The following FAM171A1 variants were observed in gnomAD, a reference collection of about 807,000 sequenced individuals.
The protein encoded by FAM171A1 is protein FAM171A1.
Under a neutral mutation model 74.9 loss-of-function variants are expected in FAM171A1, and 23 were observed. The observed-to-expected ratio is 0.31, with a 90% CI of 0.22 to 0.44. The LOEUF is 0.44. FAM171A1 is among the 20% of genes least tolerant of loss of function. FAM171A1 has a pLI of 1.00. For synonymous variants in FAM171A1, 527 were observed against 505.7 expected (o/e 1.04, Z -0.57); for missense variants, 1,162 against 1,159.2 (o/e 1.00, Z -0.03).
intron 1 of FAM171A1, among the ~76,000 whole-genome samples, chr10:15,308,145 T>C (rs1203181366): frequency 6.6e-6 from 1 of 152,182 alleles, no homozygotes; most frequent in East Asian, 1.9e-4. Context: ...AACAATGTTG[T>C]CACTCTCATG....
chr10:15,333,270 G>T (rs986273113), intron 1 of FAM171A1, among the ~76,000 whole-genome samples: 1 of 152,206 alleles, frequency 6.6e-6, no homozygotes, highest in African/African-American at 2.4e-5. Flanking sequence ...GAGGCGGGTG[G>T]ATCACCTGAG....
At position 15,284,078 on chromosome 10, in the gene FAM171A1, T is replaced by C; in HGVS notation, c.125A>G (p.Asp42Gly). The C allele has an allele frequency of 6.2e-7, 1 of 1,613,768 alleles. No homozygotes were observed. The highest frequency in any genetic ancestry group is 8.5e-7 in the Non-Finnish European group (1 of 1,180,002). ...QEVTLKVHISDASTHQPVADA... is the reference protein window; with the variant it reads ...QEVTLKVHISGASTHQPVADA... ...TGCTACGGGCTGGTGGGTGCTGGCG[T>C]CGCTGATGTGCACCTTTAACGTCAC... is the stretch of plus-strand genomic sequence containing the variant. The change falls in exon 2 of 8, where the codon GAC (aspartate) becomes GGC (glycine). Residue 42 changes from aspartate to glycine, a missense_variant. Transcript: ENST00000378116.
chr10:15,270,563 C>T (rs879071471), intron 3 of FAM171A1, among the ~76,000 whole-genome samples: 9 of 152,178 alleles, frequency 5.9e-5, no homozygotes, highest in Admixed American at 1.3e-4. Flanking sequence ...GATCTGAGAA[C>T]GGACAGACTG....
chr10:15,254,934 A>G (rs1834560356), intron 3 of FAM171A1, 55 bp from the exon 4 acceptor site: 1 of 1,569,138 alleles, frequency 6.4e-7, no homozygotes, highest in Non-Finnish European at 8.7e-7. Context: ...TGTTTTTAGA[A>G]AATGCAAAAC....
intron 1 of FAM171A1, among the ~76,000 whole-genome samples, chr10:15,293,227 G>C (rs1835123067): frequency 6.6e-6 from 1 of 152,086 alleles, no homozygotes. Flanking sequence ...GCATTTCTGG[G>C]TATCTTCTGA....
intron 5 of FAM171A1, among the ~76,000 whole-genome samples, chr10:15,234,730 G>A (rs1834259582): frequency 6.6e-6 from 1 of 151,550 alleles, no homozygotes; most frequent in Non-Finnish European, 1.5e-5. Flanking sequence ...TTGGCTCACT[G>A]CAAGCTCTGC....
In FAM171A1 at chr10:15,343,750, G is replaced by T. The variant is rs188778210; in HGVS notation, c.97+27206C>A. Reference sequence around the variant, plus strand: ...GGGACAGCCTTGGGCATCCGTCCAGGAGGGGGGCTGGGAACTGAACCTGGG... The same window carrying T: ...GGGACAGCCTTGGGCATCCGTCCAGTAGGGGGGCTGGGAACTGAACCTGGG... On this transcript the variant is annotated intron_variant, in intron 1 of 7. Transcript: ENST00000378116. Among the ~76,000 whole-genome samples the T allele has an allele frequency of 3.0e-3, 464 of 152,252 alleles. 1 individual carries two copies. Among genetic ancestry groups the T allele is most frequent in the African/African-American group, 0.011 (441 of 41,542 alleles).
intron 5 of FAM171A1, among the ~76,000 whole-genome samples, chr10:15,224,900 T>C (rs752943212): frequency 6.6e-6 from 1 of 152,176 alleles, no homozygotes; most frequent in African/African-American, 2.4e-5. Context: ...CTCTACCCAT[T>C]CTGTGACTTT....
intron 1 of FAM171A1, among the ~76,000 whole-genome samples, chr10:15,298,836 CTG>C (rs374029526): frequency 1.3e-5 from 2 of 152,326 alleles, no homozygotes; most frequent in African/African-American, 4.8e-5. Flanking sequence ...TGATGCAACA[CTG>C]TGGTGACCAG....
chr10:15,213,590 A>G lies in FAM171A1; in HGVS notation c.1998T>C (p.Ser666=). Residue 666 remains serine (S), a synonymous_variant, in exon 8 of 8, where the codon TCT becomes TCC. Transcript: ENST00000378116. This position sits in a 1 kb window ranked among gnomAD's most constrained non-coding sequence, Gnocchi z 6.8. ...CGTTCAGGGAAGCTGGGATGGAGAG[A>G]GACTCCGACATGGATGCGTTCTGAG... ...WSPQNASMSE[S]LSIPASLNDA... 2.5e-6 allele frequency: 4 copies of G among 1,614,132 alleles called. No individual in the cohort carries two copies. Among genetic ancestry groups the G allele is most frequent in the Non-Finnish European group, 3.4e-6 (4 of 1,180,034 alleles).
chr10:15,278,584 C>G (rs2138926), intron 2 of FAM171A1, among the ~76,000 whole-genome samples: 102,422 of 152,100 alleles, frequency 0.67, 35,112 homozygotes, highest in East Asian at 0.86. Flanking sequence ...AGGGAAGGTG[C>G]TACTGACATG....
intron 1 of FAM171A1, among the ~76,000 whole-genome samples, chr10:15,314,248 T>C (rs1294639492): frequency 6.6e-6 from 1 of 152,006 alleles, no homozygotes; most frequent in Admixed American, 6.5e-5. Flanking sequence ...ACTGAGATCT[T>C]AACATTCCTA....
At chr10:15,328,624 T>C (rs1835587650) in intron 1 of FAM171A1, among the ~76,000 whole-genome samples, 1 of 152,348 alleles carries the variant, frequency 6.6e-6, no homozygotes, top group East Asian at 1.9e-4. Context: ...GCTGCAGTAG[T>C]GCAGGCATCT....
At chr10:15,343,329 A>T (rs1203033949) in intron 1 of FAM171A1, among the ~76,000 whole-genome samples, 1 of 152,202 alleles carries the variant, frequency 6.6e-6, no homozygotes, top group African/African-American at 2.4e-5. Context: ...TGATTGCACC[A>T]CTGCAGGACC....
chr10:15,337,766 C>G (rs1314979289), intron 1 of FAM171A1, among the ~76,000 whole-genome samples: 1 of 152,080 alleles, frequency 6.6e-6, no homozygotes, highest in Admixed American at 6.6e-5. Context: ...CTGGCCAACG[C>G]GGTAAAACCC....
At chr10:15,334,298 CCAT>C (rs1367460813) in intron 1 of FAM171A1, among the ~76,000 whole-genome samples, 1 of 152,184 alleles carries the variant, frequency 6.6e-6, no homozygotes, top group African/African-American at 2.4e-5. Flanking sequence ...AGAGGAGATA[CCAT>C]CATCTCCTTG....
chr10:15,351,945 TG>T (rs1443201668), intron 1 of FAM171A1, among the ~76,000 whole-genome samples: 6 of 151,902 alleles, frequency 3.9e-5, no homozygotes, highest in African/African-American at 1.5e-4. Context: ...CCCAGCACTT[TG>T]GGAGGCCAAG....
At chr10:15,252,672 C>T (rs921639347) in intron 4 of FAM171A1, among the ~76,000 whole-genome samples, 8 of 152,166 alleles carry the variant, frequency 5.3e-5, no homozygotes, top group Non-Finnish European at 8.8e-5. Context: ...GCTAGGTCTC[C>T]AAGAAAGCCT....
At chr10:15,348,531 G>A (rs901424659) in intron 1 of FAM171A1, among the ~76,000 whole-genome samples, 1 of 152,302 alleles carries the variant, frequency 6.6e-6, no homozygotes, top group Non-Finnish European at 1.5e-5. Flanking sequence ...GTGTAACTAG[G>A]ACCCCTTGCA....
Sources: gnomAD v4.1 joint callset for allele counts (sites outside exome capture counted in the v4.1 genomes callset) on GRCh38, gnomAD v4.1.1 for gene constraint, Gnocchi (gnomAD v3.1) non-coding constraint, MANE v1.5 for transcripts, NCBI Gene and HGNC (gene_info 2026-07-23, HGNC 2026-07-21) for gene names.